The following METTL25 variants were observed in gnomAD, a reference collection of about 807,000 sequenced individuals.
METTL25 encodes the protein probable methyltransferase-like protein 25.
METTL25 carries 64 observed loss-of-function variants against 71.6 expected under a neutral mutation model. That is an observed-to-expected ratio of 0.89 (90% CI 0.73 to 1.10). The LOEUF is 1.10. METTL25 is among the 50% of genes least tolerant of loss of function. The pLI is 0.00. For synonymous variants in METTL25, 287 were observed against 250.3 expected, an observed-to-expected ratio of 1.15 and a Z score of -1.38; for missense variants, 807 against 707.0, an observed-to-expected ratio of 1.14 and a Z score of -1.60.
At chr12:82,421,261 T>G (rs1448667252) in intron 5 of METTL25, among the ~76,000 whole-genome samples, 1 of 152,158 alleles carries the variant, frequency 6.6e-6, no homozygotes, top group Non-Finnish European at 1.5e-5. Flanking sequence ...CAAAAGACTG[T>G]TGTACCAGTC....
At chr12:82,451,614 A>G (rs1489843637) in intron 8 of METTL25, among the ~76,000 whole-genome samples, 1 of 152,148 alleles carries the variant, frequency 6.6e-6, no homozygotes, top group Non-Finnish European at 1.5e-5. Flanking sequence ...TTCTTCTCCG[A>G]ACTGTGTATA....
In METTL25 at chr12:82,431,482, T is replaced by C. The variant is rs557177279; in HGVS notation, c.1374+495T>C. On this transcript the variant is annotated intron_variant, in intron 6 of 11. Coordinates refer to ENST00000248306, the MANE Select transcript of METTL25 (RefSeq NM_032230.3). ...AATAATGTAAGTGATTTTTGTGTTA[T>C]CAGAAAATTAAAATACTGCAGCTAT... Among the ~76,000 whole-genome samples the C allele has an allele frequency of 4.0e-5, 6 of 151,740 alleles. No individual in the cohort carries two copies. The South Asian group carries it at 1.0e-3, about 26-fold the overall frequency.
chr12:82,404,449 G>GA (rs1187556332), intron 5 of METTL25, among the ~76,000 whole-genome samples: 1 of 151,986 alleles, frequency 6.6e-6, no homozygotes, highest in African/African-American at 2.4e-5. Flanking sequence ...TGAAATAAAT[G>GA]AAAAAATACT....
intron 1 of METTL25, among the ~76,000 whole-genome samples, chr12:82,379,399 T>G (rs1884204516): frequency 1.3e-5 from 2 of 152,230 alleles, no homozygotes; most frequent in Admixed American, 6.5e-5. Flanking sequence ...CAAAATTATA[T>G]TTGATTTATC....
intron 5 of METTL25, among the ~76,000 whole-genome samples, chr12:82,428,663 G>T (rs1889239036): frequency 6.6e-6 from 1 of 151,828 alleles, no homozygotes; most frequent in Non-Finnish European, 1.5e-5. Context: ...TATATAGCAT[G>T]AGTGTTTAAG....
chr12:82,364,025 A>G (rs1472663358), intron 1 of METTL25, among the ~76,000 whole-genome samples: 1 of 152,218 alleles, frequency 6.6e-6, no homozygotes, highest in African/African-American at 2.4e-5. Context: ...TTTGAAATGA[A>G]AAGTACACAC....
intron 1 of METTL25, among the ~76,000 whole-genome samples, chr12:82,373,659 C>T (rs150744487): frequency 2.0e-3 from 310 of 152,298 alleles, no homozygotes; most frequent in Non-Finnish European, 3.3e-3. Flanking sequence ...GAGTTCCACT[C>T]ATGGCTGCAA....
intron 1 of METTL25, among the ~76,000 whole-genome samples, chr12:82,360,650 G>A (rs1425059329): frequency 6.6e-6 from 1 of 152,032 alleles, no homozygotes. Flanking sequence ...GTGACAACAG[G>A]AAACAGAAAT....
chr12:82,431,807 C>T (rs888827610), intron 6 of METTL25, among the ~76,000 whole-genome samples: 1 of 151,648 alleles, frequency 6.6e-6, no homozygotes. Flanking sequence ...CATAGCTTAA[C>T]TCAGCCTACT....
At chr12:82,372,760 A>G (rs1883371450) in intron 1 of METTL25, among the ~76,000 whole-genome samples, 1 of 152,088 alleles carries the variant, frequency 6.6e-6, no homozygotes, top group African/African-American at 2.4e-5. Flanking sequence ...CATCTGAAAG[A>G]CAAAACCGCC....
At chr12:82,441,765 T>A (rs1890352174) in intron 8 of METTL25, among the ~76,000 whole-genome samples, 1 of 146,198 alleles carries the variant, frequency 6.8e-6, no homozygotes, top group African/African-American at 2.6e-5. Flanking sequence ...AAAACTTTTA[T>A]GCATTACTGC....
rs190099160 is a variant in METTL25, at chr12:82,406,612, A to C, written c.1279+3482A>C. On this transcript the variant is annotated intron_variant, in intron 5 of 11. Transcript: ENST00000248306. Reference sequence around the variant, plus strand: ...GTGGTACTCTTCTTTTAATAAACCAAAATTTAGTGAACTGTTGAGCAGTTC... The same window carrying C: ...GTGGTACTCTTCTTTTAATAAACCACAATTTAGTGAACTGTTGAGCAGTTC... 4.1e-4 allele frequency among the ~76,000 whole-genome samples: 63 copies of C among 152,296 alleles called. 1 individual carries two copies. In the East Asian group the frequency reaches 0.012, roughly 28 times the overall value.
rs75273830 is a variant in METTL25, at chr12:82,381,889, T to A, written c.260-4914T>A. ...TTATTGATAAGGGAGAAAAATCAAC[T>A]ATGAAGCTATGGCAGTAGTACTGGA... On this transcript the variant is annotated intron_variant, in intron 1 of 11. Coordinates refer to ENST00000248306, the MANE Select transcript of METTL25 (RefSeq NM_032230.3). Among the ~76,000 whole-genome samples, 1,150 of 152,300 alleles carry A rather than the reference T, an allele frequency of 7.6e-3. 11 individuals are homozygous for A. Among genetic ancestry groups the A allele is most frequent in the African/African-American group, 0.027 (1,116 of 41,566 alleles).
chr12:82,438,372 C>T (rs1249469156), intron 7 of METTL25: 1 of 171,758 alleles, frequency 5.8e-6, no homozygotes, highest in Non-Finnish European at 1.2e-5. Flanking sequence ...CTTCCTGACT[C>T]TTAAATGCTC....
intron 1 of METTL25, chr12:82,369,555 T>G (rs1459131202): frequency 2.3e-6 from 1 of 428,204 alleles, no homozygotes; most frequent in Non-Finnish European, 4.6e-6. Context: ...GCCGCGGACC[T>G]TCACGGTGAG....
chr12:82,424,673 GAA>G (rs1888853946), intron 5 of METTL25, among the ~76,000 whole-genome samples: 1 of 152,012 alleles, frequency 6.6e-6, no homozygotes. Context: ...TCATGTTCAT[GAA>G]GAACTTCAGA....
Position 82,368,639 on chromosome 12 carries a change from A to G in METTL25, c.259+9815A>G, listed in dbSNP as rs193024601. Among the ~76,000 whole-genome samples, 93 of 152,338 alleles carry G rather than the reference A, an allele frequency of 6.1e-4. No individual in the cohort carries two copies. In the East Asian group the frequency reaches 0.013, roughly 22 times the overall value. On this transcript the variant is annotated intron_variant, in intron 1 of 11. Coordinates refer to ENST00000248306, the MANE Select transcript of METTL25 (RefSeq NM_032230.3). Reference sequence around the variant, plus strand: ...CCTTCTCAAAGGAGACTGATAACCAAAAATAGTTATAAGTCAATTGAATAA... The same window carrying G: ...CCTTCTCAAAGGAGACTGATAACCAGAAATAGTTATAAGTCAATTGAATAA...
At chr12:82,417,830 G>A (rs1888119863) in intron 5 of METTL25, among the ~76,000 whole-genome samples, 1 of 152,100 alleles carries the variant, frequency 6.6e-6, no homozygotes, top group African/African-American at 2.4e-5. Flanking sequence ...GTAGCCAGGA[G>A]AAGCTTTGTT....
chr12:82,419,652 A>G (rs982874321), intron 5 of METTL25, among the ~76,000 whole-genome samples: 3 of 151,656 alleles, frequency 2.0e-5, no homozygotes, highest in East Asian at 3.9e-4. Context: ...AATTAAAACC[A>G]CAATGAAATG....
Sources: allele counts gnomAD v4.1 joint callset (sites outside exome capture counted in the v4.1 genomes callset), GRCh38; gene constraint gnomAD v4.1.1; transcripts MANE v1.5; gene names NCBI Gene and HGNC (gene_info 2026-07-23, HGNC 2026-07-21).